DOCK3: variants seen among roughly 807,000 people sequenced by gnomAD.
DOCK3 encodes the protein dedicator of cytokinesis 3.
A neutral mutation model predicts 265.6 loss-of-function variants in DOCK3; 60 were observed. The observed-to-expected ratio is 0.23, with a 90% CI of 0.18 to 0.28. The LOEUF is 0.28. Among genes scored for constraint, DOCK3 ranks in the 10% least tolerant of loss-of-function variants. DOCK3 has a pLI of 1.00. For missense variants in DOCK3, 1,981 were observed against 2,594.3 expected (o/e 0.76, Z 5.14); for synonymous variants, 881 against 938.0 (o/e 0.94, Z 1.11).
At chr3:50,947,147 A>G (rs2076449847) in intron 5 of DOCK3, among the ~76,000 whole-genome samples, 1 of 152,112 alleles carries the variant, frequency 6.6e-6, no homozygotes, top group African/African-American at 2.4e-5. Context: ...TACCTTCACT[A>G]CTGTCTGTAT....
intron 1 of DOCK3, among the ~76,000 whole-genome samples, chr3:50,766,355 G>T (rs1431908964): frequency 1.4e-5 from 2 of 141,346 alleles, no homozygotes; most frequent in Admixed American, 8.0e-5. Context: ...ACCCACCTAT[G>T]AGTGAGAACA....
At chr3:51,271,110 A>G in intron 24 of DOCK3, 103 bp downstream of exon 24, 3 of 1,316,290 alleles carry the variant, frequency 2.3e-6, no homozygotes. Flanking sequence ...TTCCTCAACG[A>G]TTATGCAAGA....
At chr3:50,994,057 G>T (rs1000341580) in intron 5 of DOCK3, among the ~76,000 whole-genome samples, 1 of 152,096 alleles carries the variant, frequency 6.6e-6, no homozygotes, top group Non-Finnish European at 1.5e-5. Flanking sequence ...GCAATAGAAA[G>T]ATACATCTGC....
intron 1 of DOCK3, among the ~76,000 whole-genome samples, chr3:50,756,806 T>C (rs552646274): frequency 2.0e-5 from 3 of 152,332 alleles, no homozygotes; most frequent in South Asian, 4.1e-4. Context: ...TTCATGTGCC[T>C]GTTGGCCATT....
intron 9 of DOCK3, among the ~76,000 whole-genome samples, chr3:51,138,286 A>G (rs2084898959): frequency 6.6e-6 from 1 of 152,242 alleles, no homozygotes; most frequent in African/African-American, 2.4e-5. Flanking sequence ...AGCAGAATTT[A>G]TTTATCATAC....
chr3:51,112,467 A>G (rs527929231), intron 9 of DOCK3, among the ~76,000 whole-genome samples: 16 of 152,346 alleles, frequency 1.1e-4, no homozygotes, highest in South Asian at 4.1e-4. Context: ...TTAATTCTGC[A>G]TCATGATATG....
intron 2 of DOCK3, among the ~76,000 whole-genome samples, chr3:50,830,561 T>C (rs1455391105): frequency 6.6e-6 from 1 of 152,228 alleles, no homozygotes; most frequent in Non-Finnish European, 1.5e-5. Flanking sequence ...GCTTTTGATC[T>C]GGTTTGATTG....
intron 35 of DOCK3, 137 bp from the exon 36 acceptor site, chr3:51,338,222 T>C: frequency 1.2e-6 from 1 of 868,684 alleles, no homozygotes; most frequent in Non-Finnish European, 1.8e-6. Flanking sequence ...AGAGTCCTTA[T>C]CTATGGAAGC....
intron 4 of DOCK3, among the ~76,000 whole-genome samples, chr3:50,899,067 G>C (rs1029217339): frequency 1.3e-5 from 2 of 152,104 alleles, no homozygotes; most frequent in Non-Finnish European, 2.9e-5. Context: ...GTCTAATATT[G>C]GCAGTGGGGT....
chr3:51,288,358 C>T (rs1255219062), intron 27 of DOCK3, among the ~76,000 whole-genome samples: 1 of 150,580 alleles, frequency 6.6e-6, no homozygotes, highest in Non-Finnish European at 1.5e-5. Context: ...TAGCACTGCC[C>T]TCCAGCCTAG....
At chr3:50,710,930 C>T (rs1253388162) in intron 1 of DOCK3, among the ~76,000 whole-genome samples, 1 of 152,170 alleles carries the variant, frequency 6.6e-6, no homozygotes. Flanking sequence ...CATACGTTCT[C>T]ACTTGTAAGT....
At chr3:51,241,995 C>T (rs1022588577) in intron 21 of DOCK3, among the ~76,000 whole-genome samples, 1 of 152,112 alleles carries the variant, frequency 6.6e-6, no homozygotes, top group Non-Finnish European at 1.5e-5. Flanking sequence ...GGAAAGAAGG[C>T]TTTTTGAGTT....
At chr3:51,308,638 A>G (rs1236861614) in intron 27 of DOCK3, among the ~76,000 whole-genome samples, 1 of 151,848 alleles carries the variant, frequency 6.6e-6, no homozygotes, top group African/African-American at 2.4e-5. Flanking sequence ...AGACACAGCA[A>G]CCATCCCATT....
chr3:50,791,258 C>CTTT (rs34015684), intron 2 of DOCK3, among the ~76,000 whole-genome samples: 204 of 62,626 alleles, frequency 3.3e-3, no homozygotes, highest in Non-Finnish European at 4.4e-3. Flanking sequence ...TTAAATCTAT[C>CTTT]TTTTTTTTTT....
chr3:50,689,191 T>C (rs2035043105), intron 1 of DOCK3, among the ~76,000 whole-genome samples: 1 of 152,244 alleles, frequency 6.6e-6, no homozygotes, highest in Non-Finnish European at 1.5e-5. Context: ...AATGTTAATC[T>C]GTATTTGCAG....
At chr3:51,031,286 G>A (rs1374458359) in intron 5 of DOCK3, among the ~76,000 whole-genome samples, 1 of 152,100 alleles carries the variant, frequency 6.6e-6, no homozygotes, top group East Asian at 1.9e-4. Context: ...AGAAAGGTGA[G>A]TACAAGATCA....
In DOCK3 at chr3:51,295,776, C is replaced by T. The variant is rs566685106; in HGVS notation, c.2923-14456C>T. Among the ~76,000 whole-genome samples the T allele has an allele frequency of 7.7e-5, 11 of 143,060 alleles. 1 individual carries two copies. The South Asian group carries it at 2.0e-3, about 26-fold the overall frequency. 93.9% of individuals were successfully genotyped at this position (143,060 alleles called of 152,430 possible). A position where few individuals can be genotyped will look rare whatever the true frequency, so the allele number is the denominator to read the frequency against. ...GGAGAGTCTAGCTGGGGCAATAAGG[C>T]GTTGGGGGGTGGGGGGTAACCCTTC... On this transcript the variant is annotated intron_variant, in intron 27 of 52. Coordinates refer to ENST00000266037, the MANE Select transcript of DOCK3 (RefSeq NM_004947.5).
At chr3:50,807,380 G>A (rs1269156792) in intron 2 of DOCK3, among the ~76,000 whole-genome samples, 1 of 151,524 alleles carries the variant, frequency 6.6e-6, no homozygotes, top group African/African-American at 2.4e-5. Context: ...AGCTATCCCA[G>A]GAACTAACAG....
At chr3:50,955,823 C>G (rs914178081) in intron 5 of DOCK3, among the ~76,000 whole-genome samples, 1 of 152,078 alleles carries the variant, frequency 6.6e-6, no homozygotes, top group Non-Finnish European at 1.5e-5. Flanking sequence ...ACGTGTACCC[C>G]TGAATGGAAA....
Sources: allele counts gnomAD v4.1 joint callset (sites outside exome capture counted in the v4.1 genomes callset), GRCh38; gene constraint gnomAD v4.1.1; transcripts MANE v1.5; gene names NCBI Gene and HGNC (gene_info 2026-07-23, HGNC 2026-07-21).